GRIN2B: variants seen among roughly 807,000 people sequenced by gnomAD.
GRIN2B encodes glutamate receptor ionotropic, NMDA 2B.
A neutral mutation model predicts 114.5 loss-of-function variants in GRIN2B; 5 were observed. That is an observed-to-expected ratio of 0.04 (90% CI 0.02 to 0.09). The LOEUF is 0.09. Ranked by LOEUF, GRIN2B falls within the 10% of genes least tolerant of loss-of-function variation. GRIN2B has a pLI of 1.00. For synonymous variants in GRIN2B, 787 were observed against 745.1 expected (o/e 1.06, Z -0.92); for missense variants, 1,108 against 1,943.5 (o/e 0.57, Z 8.08).
intron 5 of GRIN2B, among the ~76,000 whole-genome samples, chr12:13,646,234 C>T (rs991119908): frequency 1.3e-5 from 2 of 152,152 alleles, no homozygotes; most frequent in Non-Finnish European, 2.9e-5. Context: ...GAAGCATCTG[C>T]ACTCTCCTTG....
intron 4 of GRIN2B, among the ~76,000 whole-genome samples, chr12:13,725,428 G>T (rs1862965686): frequency 6.6e-6 from 1 of 152,032 alleles, no homozygotes; most frequent in South Asian, 2.1e-4. Context: ...CAATACATTT[G>T]CAAGGTGTTC....
intron 2 of GRIN2B, among the ~76,000 whole-genome samples, chr12:13,924,453 C>T (rs1313957212): frequency 2.6e-5 from 4 of 152,136 alleles, no homozygotes; most frequent in Non-Finnish European, 4.4e-5. Flanking sequence ...AGGAGCTGGA[C>T]GTGTATGAGT....
intron 4 of GRIN2B, among the ~76,000 whole-genome samples, chr12:13,677,666 A>T (rs1265524439): frequency 2.7e-5 from 4 of 150,690 alleles, no homozygotes; most frequent in Admixed American, 6.6e-5. Flanking sequence ...CTGATGGGGA[A>T]CTTTTAATGG....
chr12:13,701,242 C>A (rs970685906), intron 4 of GRIN2B, among the ~76,000 whole-genome samples: 1 of 152,126 alleles, frequency 6.6e-6, no homozygotes, highest in African/African-American at 2.4e-5. Flanking sequence ...ATGGGGATTA[C>A]AATTCAAGGT....
rs187853515 is a variant in GRIN2B at position 13,950,167 on chromosome 12, G to A, written c.-19+29761C>T. On this transcript the variant is annotated intron_variant, in intron 2 of 13. Coordinates refer to ENST00000609686, the MANE Select transcript of GRIN2B (RefSeq NM_000834.5). ...GGGAAAATCATCGTATTAATCTATG[G>A]AAGAATAGCCAGTCAAAATAGGGGA... 3.2e-4 allele frequency among the ~76,000 whole-genome samples: 49 copies of A among 152,306 alleles called. 1 individual carries two copies. The highest frequency in any genetic ancestry group is 1.9e-3 in the Admixed American group (29 of 15,294).
At chr12:13,806,130 C>G (rs1338099340) in intron 3 of GRIN2B, among the ~76,000 whole-genome samples, 1 of 152,090 alleles carries the variant, frequency 6.6e-6, no homozygotes, top group African/African-American at 2.4e-5. Flanking sequence ...TGTTCATCAA[C>G]TGATGGACAC....
chr12:13,738,408 C>T (rs1863221679), intron 4 of GRIN2B, among the ~76,000 whole-genome samples: 1 of 152,202 alleles, frequency 6.6e-6, no homozygotes, highest in South Asian at 2.1e-4. Flanking sequence ...AATTGAAATG[C>T]TGTTTAAAGT....
At chr12:13,951,010 C>A (rs755789205) in intron 2 of GRIN2B, among the ~76,000 whole-genome samples, 2 of 152,078 alleles carry the variant, frequency 1.3e-5, no homozygotes, top group Non-Finnish European at 2.9e-5. Context: ...ATTTCTTACA[C>A]CTCCCACTCC....
At chr12:13,720,804 G>A (rs74065248) in intron 4 of GRIN2B, among the ~76,000 whole-genome samples, 305 of 152,232 alleles carry the variant, frequency 2.0e-3, no homozygotes, top group African/African-American at 6.9e-3. Context: ...TGCTCTTGCA[G>A]GGTAAGTACA....
chr12:13,943,803 T>TC (rs1422350107), intron 2 of GRIN2B, among the ~76,000 whole-genome samples: 1 of 152,120 alleles, frequency 6.6e-6, no homozygotes, highest in East Asian at 1.9e-4. Context: ...TCACCTATAG[T>TC]CCATTTTATT....
At chr12:13,821,929 C>T (rs961445117) in intron 3 of GRIN2B, among the ~76,000 whole-genome samples, 1 of 152,128 alleles carries the variant, frequency 6.6e-6, no homozygotes, top group Non-Finnish European at 1.5e-5. Context: ...ATACGGGAAG[C>T]AATGAAGCTG....
At chr12:13,845,331 T>C (rs184400622) in intron 3 of GRIN2B, among the ~76,000 whole-genome samples, 23 of 152,292 alleles carry the variant, frequency 1.5e-4, no homozygotes, top group Non-Finnish European at 5.9e-5. Context: ...ATATATTTCA[T>C]TAATATACTT....
intron 4 of GRIN2B, among the ~76,000 whole-genome samples, chr12:13,694,702 T>TATATATAA (rs1252005103): frequency 1.6e-5 from 2 of 126,296 alleles, no homozygotes; most frequent in Non-Finnish European, 3.3e-5. Flanking sequence ...TATATATATA[T>TATATATAA]AAATTAATTA....
chr12:13,958,713 C>T (rs1410780084), intron 2 of GRIN2B, among the ~76,000 whole-genome samples: 1 of 152,146 alleles, frequency 6.6e-6, no homozygotes, highest in Non-Finnish European at 1.5e-5. Context: ...CTCCACTCTT[C>T]CTCCTCCATG....
chr12:13,800,410 A>G (rs1228531075), intron 3 of GRIN2B, among the ~76,000 whole-genome samples: 1 of 152,198 alleles, frequency 6.6e-6, no homozygotes, highest in Non-Finnish European at 1.5e-5. Flanking sequence ...TGTTAAACTT[A>G]GTTTAACTGA....
At chr12:13,818,200 A>G (rs1472688681) in intron 3 of GRIN2B, among the ~76,000 whole-genome samples, 7 of 152,244 alleles carry the variant, frequency 4.6e-5, no homozygotes, top group Non-Finnish European at 8.8e-5. Context: ...TCAATATTCT[A>G]AACAGGAAAA....
intron 4 of GRIN2B, among the ~76,000 whole-genome samples, chr12:13,739,069 A>C (rs1863231746): frequency 6.6e-6 from 1 of 152,120 alleles, no homozygotes; most frequent in Non-Finnish European, 1.5e-5. Context: ...TACACTTTAG[A>C]AGACTCTTGT....
At chr12:13,797,453 C>T (rs554203896) in intron 3 of GRIN2B, among the ~76,000 whole-genome samples, 2 of 152,262 alleles carry the variant, frequency 1.3e-5, no homozygotes, top group East Asian at 3.9e-4. Flanking sequence ...GAAATCTGTT[C>T]CCATTTGGGC....
intron 4 of GRIN2B, among the ~76,000 whole-genome samples, chr12:13,736,470 CTTAAA>C (rs1403917133): frequency 1.3e-5 from 2 of 152,126 alleles, no homozygotes; most frequent in African/African-American, 4.8e-5. Flanking sequence ...ATGTCCAGGT[CTTAAA>C]TTGTTTGAGG....
Sources: allele counts gnomAD v4.1 joint callset (sites outside exome capture counted in the v4.1 genomes callset), GRCh38; gene constraint gnomAD v4.1.1; transcripts MANE v1.5; gene names NCBI Gene and HGNC (gene_info 2026-07-23, HGNC 2026-07-21).